GON4L: variants seen among roughly 807,000 people sequenced by gnomAD.
GON4L encodes the protein GON-4-like protein.
GON4L carries 87 observed loss-of-function variants against 211.8 expected under a neutral mutation model. The observed-to-expected ratio is 0.41, with a 90% CI of 0.35 to 0.49. The LOEUF (loss-of-function observed/expected upper bound fraction) is 0.49. GON4L is among the 20% of genes least tolerant of loss of function. The pLI is 0.15. For missense variants in GON4L, 2,155 were observed against 2,659.5 expected, an observed-to-expected ratio of 0.81 and a Z score of 4.17; for synonymous variants, 875 against 962.6, an observed-to-expected ratio of 0.91 and a Z score of 1.68.
At chr1:155,851,013 C>A (rs2102489698) in intron 2 of GON4L, among the ~76,000 whole-genome samples, 1 of 122,490 alleles carries the variant, frequency 8.2e-6, no homozygotes, top group East Asian at 2.5e-4. Context: ...GAGATCGTGC[C>A]ACTGCACTCC....
chr1:155,849,978 T>C (rs1352103685), intron 2 of GON4L, among the ~76,000 whole-genome samples: 2 of 142,030 alleles, frequency 1.4e-5, no homozygotes, highest in Non-Finnish European at 3.0e-5. Flanking sequence ...TCTAGTATAT[T>C]CTGCTCTTAA....
Position 155,805,099 on chromosome 1 carries a change from T to C in GON4L, c.1495A>G (p.Met499Val). Residue 499 changes from methionine to valine, a missense_variant, in exon 11 of 32, where the codon ATG (methionine) becomes GTG (valine). Met to Val is a conservative substitution (Grantham distance 21). This residue lies in a region of GON4L where 551 missense variants were observed against 854.0 expected (regional missense o/e 0.65). Coordinates refer to ENST00000368331, the MANE Select transcript of GON4L (RefSeq NM_001282860.2). ...SLIAFRTRSK[M>V]PLKDVPLGQL... ...CCCAGGGGAACATCTTTCAGGGGCA[T>C]CTTAGAACGCGTTCGAAATGCAATG... 37 of 1,613,856 alleles carry C rather than the reference T, an allele frequency of 2.3e-5. No individual in the cohort carries two copies. The highest frequency in any genetic ancestry group is 3.1e-5 in the Non-Finnish European group (36 of 1,179,812).
In GON4L at chr1:155,826,941, G is replaced by A. The variant is rs1201913263; in HGVS notation, c.593C>T (p.Ser198Leu). 1.2e-6 allele frequency: 2 copies of A among 1,613,898 alleles called. No homozygotes were observed. The highest frequency in any genetic ancestry group is 1.7e-5 in the Admixed American group (1 of 60,018). The change falls in exon 3 of 32, where the codon TCA becomes TTA. Residue 198 changes from serine (S) to leucine (L), a missense_variant. Transcript: ENST00000368331. ...AGAGGCACAAACATCTGGCTGGGTT[G>A]ATTTCCTGGGCTGGCTTACTGGTTT... ...SAKPVSQPRK[S>L]TQPDVCASPQ...
At position 155,766,679 on chromosome 1, in the gene GON4L, G is replaced by A. The variant is rs200387034; in HGVS notation, c.2794C>T (p.Arg932Trp). The A allele has an allele frequency of 1.1e-5, 18 of 1,614,018 alleles. No individual in the cohort carries two copies. The East Asian group carries it at 2.5e-4, about 22-fold the overall frequency. Residue 932 changes from arginine to tryptophan, a missense_variant, in exon 21 of 32, where the codon CGG becomes TGG. Physicochemically the swap from Arg to Trp is moderately radical, Grantham distance 101. Coordinates refer to ENST00000368331, the MANE Select transcript of GON4L (RefSeq NM_001282860.2). ...ASLPSIQEEL[R>W]HMADGAREVG... ...TCTCTAGCACCATCAGCCATGTGCC[G>A]CAGTTCTTCCTGGATGGATGGCAGA...
At chr1:155,751,445 A>G (rs1660570983) in intron 31 of GON4L, among the ~76,000 whole-genome samples, 1 of 152,096 alleles carries the variant, frequency 6.6e-6, no homozygotes, top group South Asian at 2.1e-4. Context: ...ACTTTGGGAG[A>G]GGCTGAGGCA....
At chr1:155,748,409 C>T, downstream of GON4L, 1 of 1,610,570 alleles carries the variant, frequency 6.2e-7, no homozygotes, top group Non-Finnish European at 8.5e-7. Flanking sequence ...GGCCATTCTG[C>T]CCTTCCACTG....
chr1:155,771,231 A>C lies in GON4L; in HGVS notation c.2496-14T>G. 1 of 1,613,874 alleles carries C rather than the reference A, an allele frequency of 6.2e-7. No individual in the cohort carries two copies. Among genetic ancestry groups the C allele is most frequent in the Non-Finnish European group, 8.5e-7 (1 of 1,179,714 alleles). On this transcript the variant is annotated splice_polypyrimidine_tract_variant and intron_variant, in intron 18 of 31. Coordinates refer to ENST00000368331, the MANE Select transcript of GON4L (RefSeq NM_001282860.2). Reference sequence around the variant, plus strand: ...AAAGCTAACAAACTGAGAAAGGAGAATAACACTAAATCTCACTTCACAGTC... The same window carrying C: ...AAAGCTAACAAACTGAGAAAGGAGACTAACACTAAATCTCACTTCACAGTC...
intron 2 of GON4L, among the ~76,000 whole-genome samples, chr1:155,832,232 G>A (rs1256122921): frequency 4.2e-4 from 5 of 11,834 alleles, no homozygotes; most frequent in Admixed American, 4.3e-3. Flanking sequence ...CTAAGATCAC[G>A]CCACTACACT....
intron 14 of GON4L, among the ~76,000 whole-genome samples, chr1:155,780,920 G>C (rs1664354685): frequency 6.6e-6 from 1 of 151,848 alleles, no homozygotes; most frequent in Non-Finnish European, 1.5e-5. Flanking sequence ...TTATCTATTG[G>C]GGATAAAAAT....
At chr1:155,818,094 C>A (rs1159895447) in intron 6 of GON4L, among the ~76,000 whole-genome samples, 1 of 151,654 alleles carries the variant, frequency 6.6e-6, no homozygotes, top group Admixed American at 6.6e-5. Context: ...TTTTTTTCCC[C>A]AAATCAAATA....
chr1:155,822,047 A>AAC (rs1423958066), intron 4 of GON4L, among the ~76,000 whole-genome samples: 3 of 152,222 alleles, frequency 2.0e-5, no homozygotes, highest in Non-Finnish European at 4.4e-5. Flanking sequence ...AGTGGAAGGA[A>AAC]ACAGGAACAG....
rs762618359 is a variant in GON4L, at chr1:155,775,050, T to C, written c.2302A>G (p.Thr768Ala). Residue 768 changes from threonine (T) to alanine (A), a missense_variant, in exon 17 of 32, where the codon ACA becomes GCA. By Grantham distance (58) the Thr-to-Ala change is moderately conservative. This residue lies in a region of GON4L where 551 missense variants were observed against 854.0 expected (regional missense o/e 0.65). Coordinates refer to ENST00000368331, the MANE Select transcript of GON4L (RefSeq NM_001282860.2). ...GAMQLIEDFS[T>A]HVSIDCSPHK... ...GGGCTGCAGTCAATGCTGACATGTG[T>C]GCTGAAGTCTTCAATCAGCTGCATA... The C allele has an allele frequency of 3.7e-6, 6 of 1,613,064 alleles. No individual in the cohort carries two copies. In the Admixed American group the frequency reaches 1.0e-4, roughly 27 times the overall value.
chr1:155,852,108 TG>T (rs1171697802), intron 2 of GON4L, among the ~76,000 whole-genome samples: 2 of 138,298 alleles, frequency 1.4e-5, no homozygotes, highest in African/African-American at 5.5e-5. Flanking sequence ...GAGGTTGCAG[TG>T]AGCCAAGATC....
At chr1:155,792,049 T>C (rs1215456815) in intron 12 of GON4L, among the ~76,000 whole-genome samples, 2 of 152,114 alleles carry the variant, frequency 1.3e-5, no homozygotes, top group Non-Finnish European at 2.9e-5. Context: ...TTGGGTTCAA[T>C]AAGGAAAGTA....
intron 24 of GON4L, 97 bp downstream of exon 24, chr1:155,760,347 G>C: frequency 1.4e-6 from 1 of 732,604 alleles, no homozygotes; most frequent in Non-Finnish European, 2.3e-6. Context: ...TGTCTGGAAG[G>C]AGCTGGGAGA....
At chr1:155,753,918 G>A in intron 28 of GON4L, 1 of 221,562 alleles carries the variant, frequency 4.5e-6, no homozygotes, top group Non-Finnish European at 9.1e-6. Context: ...CACCCAGGCT[G>A]GAGCTCAGTG....
At chr1:155,753,669 G>C (rs1009574449) in intron 28 of GON4L, among the ~76,000 whole-genome samples, 4 of 152,134 alleles carry the variant, frequency 2.6e-5, no homozygotes, top group Non-Finnish European at 5.9e-5. Flanking sequence ...GTGAGACTCT[G>C]TCTCAAATGA....
intron 22 of GON4L, among the ~76,000 whole-genome samples, chr1:155,762,747 A>C (rs1661960733): frequency 6.6e-6 from 1 of 152,180 alleles, no homozygotes. Context: ...TCAGTTTAAC[A>C]AAGTGAACTG....
chr1:155,812,090 A>G (rs1667847395), intron 10 of GON4L, among the ~76,000 whole-genome samples: 2 of 152,072 alleles, frequency 1.3e-5, no homozygotes, highest in Non-Finnish European at 2.9e-5. Context: ...GCTTTGAAGT[A>G]TATCCCCACA....
Sources: gnomAD v4.1 joint callset for allele counts (sites outside exome capture counted in the v4.1 genomes callset) on GRCh38, gnomAD v4.1.1 for gene constraint, gnomAD v4.1.1 regional missense constraint, MANE v1.5 for transcripts, NCBI Gene and HGNC (gene_info 2026-07-23, HGNC 2026-07-21) for gene names.